SH3D21: variants seen among roughly 807,000 people sequenced by gnomAD.
The protein encoded by SH3D21 is SH3 domain-containing protein 21.
In SH3D21, 83 loss-of-function variants were observed where a neutral mutation model predicts 82.1. That is an observed-to-expected ratio of 1.01 (90% CI 0.85 to 1.21). The LOEUF is 1.21. Among genes scored for constraint, SH3D21 ranks in the 50% most tolerant of loss-of-function variants. SH3D21 has a pLI of 0.00. For missense variants in SH3D21, 980 were observed against 962.1 expected (o/e 1.02, Z -0.25); for synonymous variants, 383 against 387.8 (o/e 0.99, Z 0.15).
Position 36,307,059 on chromosome 1 carries a change from C to A in SH3D21, c.227-108C>A. On this transcript the variant is annotated intron_variant, in intron 3 of 15. Transcript: ENST00000453908. This position sits in a 1 kb window ranked among gnomAD's most constrained non-coding sequence, Gnocchi z 5.4. ...TGGTTCTCGAGTGCAATGCTCCGCCCTGGGGCGGGGCTGGAGGGACCAAAG... is the reference window on the plus strand; with the variant it reads ...TGGTTCTCGAGTGCAATGCTCCGCCATGGGGCGGGGCTGGAGGGACCAAAG... 1 of 1,495,508 alleles carries A rather than the reference C, an allele frequency of 6.7e-7. No homozygotes were observed. 92.6% of individuals were successfully genotyped at this position (1,495,508 alleles called of 1,614,324 possible). A position where few individuals can be genotyped will look rare whatever the true frequency, so the allele number is the denominator to read the frequency against.
rs1253835635 is a variant in SH3D21, at chr1:36,306,509, T to A, written c.4+85T>A. ...CACCACCCCCCGACCCCCGCTGCCC[T>A]CTACGGTGCTTGGGGACACGCCCGC... On this transcript the variant is annotated intron_variant, in intron 1 of 15. Coordinates refer to ENST00000453908, the MANE Select transcript of SH3D21 (RefSeq NM_001162530.2). This position sits in a 1 kb window ranked among gnomAD's most constrained non-coding sequence, Gnocchi z 4.5. The A allele has an allele frequency of 1.5e-6, 2 of 1,304,320 alleles. No individual in the cohort carries two copies. Among genetic ancestry groups the A allele is most frequent in the South Asian group, 1.2e-5 (1 of 81,002 alleles). The allele number at this position is 1,304,320 out of a possible 1,614,324, so 80.8% of individuals were successfully genotyped here. A position where few individuals can be genotyped will look rare whatever the true frequency, so the allele number is the denominator to read the frequency against.
chr1:36,314,798 A>C (rs1646310887), intron 10 of SH3D21, among the ~76,000 whole-genome samples: 2 of 152,018 alleles, frequency 1.3e-5, no homozygotes, highest in African/African-American at 4.8e-5. Context: ...ATTTTGATGA[A>C]GTCCCATTTA....
downstream of SH3D21, chr1:36,321,609 C>T (rs926768257): frequency 8.3e-6 from 8 of 964,018 alleles, no homozygotes; most frequent in African/African-American, 3.5e-5. This position sits in a 1 kb window ranked among gnomAD's most constrained non-coding sequence, Gnocchi z 6.1. Context: ...TTGAACGCAC[C>T]TCGGCGCAGA....
At chr1:36,318,477 A>G (rs187828380) in intron 10 of SH3D21, among the ~76,000 whole-genome samples, 87 of 152,268 alleles carry the variant, frequency 5.7e-4, no homozygotes, top group African/African-American at 1.9e-3. Context: ...AATATAAAGA[A>G]TTCTGAGAGT....
chr1:36,306,644 G>A lies in SH3D21; in HGVS notation c.51G>A (p.Leu17=), dbSNP rs1453030725. 2 of 1,301,800 alleles carry A rather than the reference G, an allele frequency of 1.5e-6. No individual in the cohort carries two copies. The highest frequency in any genetic ancestry group is 1.5e-5 in the African/African-American group (1 of 65,876). The allele number at this position is 1,301,800 out of a possible 1,614,324, so 80.6% of individuals were successfully genotyped here. ...AGYRAQKEDE[L]SLAPGDVVRQ... is the part of the protein sequence containing the mutation. ...ACCGCGCGCAGAAGGAGGACGAGCTGAGTCTGGCGCCCGGGGACGTGGTCC... is the reference window on the plus strand; with the variant it reads ...ACCGCGCGCAGAAGGAGGACGAGCTAAGTCTGGCGCCCGGGGACGTGGTCC... The change falls in exon 2 of 16, where the codon CTG becomes CTA. Residue 17 remains leucine (L), a synonymous_variant. Transcript: ENST00000453908. This position sits in a 1 kb window ranked among gnomAD's most constrained non-coding sequence, Gnocchi z 4.5.
intron 8 of SH3D21, 34 bp downstream of exon 8, chr1:36,308,243 A>G: frequency 6.6e-7 from 1 of 1,503,900 alleles, no homozygotes; most frequent in Non-Finnish European, 9.0e-7. Context: ...GGCCCAGGGA[A>G]GCCGGTGTTG....
chr1:36,311,114 G>A (rs1387024237), intron 10 of SH3D21, among the ~76,000 whole-genome samples: 1 of 151,898 alleles, frequency 6.6e-6, no homozygotes, highest in Non-Finnish European at 1.5e-5. Context: ...TCACTGTGTT[G>A]CCCAGGCTGG....
rs1470846162 is a variant in SH3D21 at position 36,306,471 on chromosome 1, T to C, written c.4+47T>C. 47 of 1,305,034 alleles carry C rather than the reference T, an allele frequency of 3.6e-5. No homozygotes were observed. Among genetic ancestry groups the C allele is most frequent in the Non-Finnish European group, 4.3e-5 (43 of 988,906 alleles). The allele number at this position is 1,305,034 out of a possible 1,614,324, so 80.8% of individuals were successfully genotyped here. ...TGGCCTCTCTCTGCAACCGTGGACA[T>C]AGCAAGAGCCCACACCACCCCCCGA... On this transcript the variant is annotated intron_variant, in intron 1 of 15. Transcript: ENST00000453908. This position sits in a 1 kb window ranked among gnomAD's most constrained non-coding sequence, Gnocchi z 4.5.
At chr1:36,326,254 G>A (rs1320694473), downstream of SH3D21, among the ~76,000 whole-genome samples, 9 of 148,568 alleles carry the variant, frequency 6.1e-5, no homozygotes, top group East Asian at 1.2e-3. Flanking sequence ...TTTTTGAGAC[G>A]GAGTTTCACT....
downstream of SH3D21, among the ~76,000 whole-genome samples, chr1:36,327,033 C>A (rs1182386473): frequency 6.6e-6 from 1 of 152,074 alleles, no homozygotes; most frequent in Non-Finnish European, 1.5e-5. Context: ...GTGGATGAGA[C>A]CGAACATCTG....
chr1:36,306,636 G>T lies in SH3D21; in HGVS notation c.43G>T (p.Asp15Tyr). Residue 15 changes from aspartate to tyrosine, a missense_variant, in exon 2 of 16, where the codon GAC (aspartate) becomes TAC (tyrosine). Asp to Tyr is a radical substitution (Grantham distance 160). Coordinates refer to ENST00000453908, the MANE Select transcript of SH3D21 (RefSeq NM_001162530.2). The surrounding 1 kb of genome is among the most constrained non-coding windows in gnomAD (Gnocchi z 4.5). ...GGCCGGATACCGCGCGCAGAAGGAG[G>T]ACGAGCTGAGTCTGGCGCCCGGGGA... ...VLAGYRAQKE[D>Y]ELSLAPGDVV... 7.7e-7 allele frequency: 1 copy of T among 1,302,268 alleles called. No homozygotes were observed. The highest frequency in any genetic ancestry group is 1.0e-6 in the Non-Finnish European group (1 of 988,700). 80.7% of individuals were successfully genotyped at this position (1,302,268 alleles called of 1,614,324 possible). A position where few individuals can be genotyped will look rare whatever the true frequency, so the allele number is the denominator to read the frequency against.
rs1277499618 is a variant in SH3D21 at position 36,320,039 on chromosome 1, T to A, written c.1376T>A (p.Leu459Gln). Residue 459 changes from leucine (L) to glutamine (Q), a missense_variant, in exon 14 of 16, where the codon CTA becomes CAA. Physicochemically the swap from Leu to Gln is moderately radical, Grantham distance 113 (BLOSUM62 -2). Transcript: ENST00000453908. ...RVFSVEESPA[L>Q]EAPPMDKVPN... ...TTTTCAGTGGAAGAGTCCCCTGCCC[T>A]AGAAGCCCCACCTATGGATAAAGTC... 7 of 1,613,938 alleles carry A rather than the reference T, an allele frequency of 4.3e-6. No individual in the cohort carries two copies. The highest frequency in any genetic ancestry group is 5.9e-6 in the Non-Finnish European group (7 of 1,179,970).
At chr1:36,311,011 C>A (rs1309801199) in intron 10 of SH3D21, among the ~76,000 whole-genome samples, 1 of 151,736 alleles carries the variant, frequency 6.6e-6, no homozygotes, top group Non-Finnish European at 1.5e-5. Flanking sequence ...CAGGTTCAAG[C>A]GATTCTCCTG....
chr1:36,322,340 GGGCCCCAGCGT>G (rs763613268), downstream of SH3D21: 15 of 1,576,104 alleles, frequency 9.5e-6, no homozygotes, highest in Non-Finnish European at 1.2e-5. Flanking sequence ...CCGTGGGGCT[GGGCCCCAGCGT>G]GCCTGTGCCC....
At chr1:36,314,862 A>C (rs1211449257) in intron 10 of SH3D21, among the ~76,000 whole-genome samples, 1 of 152,032 alleles carries the variant, frequency 6.6e-6, no homozygotes, top group African/African-American at 2.4e-5. Context: ...CCAAGATTAC[A>C]CTCCAAATTG....
intron 10 of SH3D21, among the ~76,000 whole-genome samples, chr1:36,317,356 C>G (rs1000702607): frequency 2.0e-5 from 3 of 152,204 alleles, no homozygotes; most frequent in Non-Finnish European, 2.9e-5. Flanking sequence ...CCCCCAACCA[C>G]TGTCAGATTT....
chr1:36,311,292 A>G (rs1444634593), intron 10 of SH3D21, among the ~76,000 whole-genome samples: 1 of 149,360 alleles, frequency 6.7e-6, no homozygotes, highest in Non-Finnish European at 1.5e-5. Context: ...CCAGGCTGGA[A>G]TGCAGTGGCG....
Position 36,307,404 on chromosome 1 carries a change from G to A in SH3D21, c.346-113G>A, listed in dbSNP as rs1030156301. The A allele has an allele frequency of 1.9e-5, 28 of 1,505,000 alleles. No individual in the cohort carries two copies. The highest frequency in any genetic ancestry group is 2.5e-5 in the Non-Finnish European group (28 of 1,111,442). 93.2% of individuals were successfully genotyped at this position (1,505,000 alleles called of 1,614,324 possible). A position where few individuals can be genotyped will look rare whatever the true frequency, so the allele number is the denominator to read the frequency against. On this transcript the variant is annotated intron_variant, in intron 4 of 15. Transcript: ENST00000453908. This position sits in a 1 kb window ranked among gnomAD's most constrained non-coding sequence, Gnocchi z 5.4. ...ATGGCGACGGTGCAGATACGGGGAA[G>A]CGCGGGAGGGAAGGAGGGAGGAAGG...
downstream of SH3D21, chr1:36,323,101 G>A: frequency 6.4e-7 from 1 of 1,552,810 alleles, no homozygotes; most frequent in Non-Finnish European, 8.7e-7. Flanking sequence ...CCTTCTCCCA[G>A]CCTGGAGCCC....
Sources: allele counts gnomAD v4.1 joint callset (sites outside exome capture counted in the v4.1 genomes callset), GRCh38; gene constraint gnomAD v4.1.1; non-coding constraint Gnocchi (gnomAD v3.1); transcripts MANE v1.5; gene names NCBI Gene and HGNC (gene_info 2026-07-23, HGNC 2026-07-21).